The following TBC1D22B variants were observed in gnomAD, a reference collection of about 807,000 sequenced individuals.
TBC1D22B encodes the protein chromosome 6 open reading frame 197.
In TBC1D22B, 32 loss-of-function variants were observed where a neutral mutation model predicts 69.1. That is an observed-to-expected ratio of 0.46 (90% CI 0.35 to 0.62). The LOEUF (loss-of-function observed/expected upper bound fraction) is 0.62, where lower values mean the gene tolerates loss of function less well. TBC1D22B is among the 20% of genes least tolerant of loss of function. The probability of loss-of-function intolerance (pLI) is 0.00; values close to 1 mark genes in which losing one functional copy is unlikely to be tolerated. For missense variants in TBC1D22B, 462 were observed against 630.9 expected, an observed-to-expected ratio of 0.73 and a Z score of 2.87; for synonymous variants, 206 against 229.8, an observed-to-expected ratio of 0.90 and a Z score of 0.94.
intron 12 of TBC1D22B, among the ~76,000 whole-genome samples, chr6:37,326,475 A>G (rs915652540): frequency 6.6e-6 from 1 of 151,894 alleles, no homozygotes; most frequent in Non-Finnish European, 1.5e-5. Flanking sequence ...ACCATCATAG[A>G]AAAATTTAGA....
At position 37,313,824 on chromosome 6, in the gene TBC1D22B, C is replaced by A; in HGVS notation, c.1098C>A (p.Tyr366Ter). 1 of 1,614,146 alleles carries A rather than the reference C, an allele frequency of 6.2e-7. No homozygotes were observed. The highest frequency in any genetic ancestry group is 8.5e-7 in the Non-Finnish European group (1 of 1,179,978). Reference sequence around the variant, plus strand: ...CTCTGTGTCATTTGCAGGATAACTACACCTTTGCACAACCAGGAATCCAGA... The same window carrying A: ...CTCTGTGTCATTTGCAGGATAACTAAACCTTTGCACAACCAGGAATCCAGA... ...SKLLDGIQDN[Y>*]TFAQPGIQKK... is the part of the protein sequence containing the mutation. The change falls in exon 10 of 13, where the codon TAC (tyrosine) becomes TAA (stop). Residue 366 changes from tyrosine (Y) to a stop codon, truncating the protein, a stop_gained. Coordinates refer to ENST00000373491, the MANE Select transcript of TBC1D22B (RefSeq NM_017772.4). LOFTEE classifies it high-confidence loss of function.
At chr6:37,321,376 T>C (rs1380927182) in intron 12 of TBC1D22B, among the ~76,000 whole-genome samples, 4 of 152,142 alleles carry the variant, frequency 2.6e-5, no homozygotes, top group Non-Finnish European at 4.4e-5. Flanking sequence ...TCTGCTTAGG[T>C]TTCCACCTCC....
At chr6:37,264,390 G>T (rs987456685) in intron 1 of TBC1D22B, among the ~76,000 whole-genome samples, 1 of 152,120 alleles carries the variant, frequency 6.6e-6, no homozygotes, top group African/African-American at 2.4e-5. Flanking sequence ...TCGGCTCACC[G>T]CAACCTCTGC....
chr6:37,327,071 G>A (rs933537112), intron 12 of TBC1D22B, among the ~76,000 whole-genome samples: 2 of 152,162 alleles, frequency 1.3e-5, no homozygotes, highest in African/African-American at 2.4e-5. Context: ...GACATGGTGC[G>A]GGAAGGAGGT....
chr6:37,274,450 C>A (rs543381308), intron 2 of TBC1D22B, among the ~76,000 whole-genome samples: 1 of 152,250 alleles, frequency 6.6e-6, no homozygotes, highest in South Asian at 2.1e-4. Context: ...AACACTTTAC[C>A]AAGTCAAATG....
chr6:37,317,650 AAAT>A (rs1222445981), intron 12 of TBC1D22B, among the ~76,000 whole-genome samples: 2 of 152,210 alleles, frequency 1.3e-5, no homozygotes, highest in Non-Finnish European at 2.9e-5. Flanking sequence ...AGGTGCTAAG[AAAT>A]AATATTTTTT....
At chr6:37,330,526 G>A (rs960313955) in intron 12 of TBC1D22B, among the ~76,000 whole-genome samples, 1 of 152,042 alleles carries the variant, frequency 6.6e-6, no homozygotes, top group Non-Finnish European at 1.5e-5. Flanking sequence ...GTGAGCCACC[G>A]CGCCTGGCCT....
At chr6:37,267,560 T>TAC (rs1439194851) in intron 1 of TBC1D22B, among the ~76,000 whole-genome samples, 5 of 145,320 alleles carry the variant, frequency 3.4e-5, no homozygotes, top group South Asian at 2.1e-4. Context: ...CATATATATA[T>TAC]ACACACACAC....
At chr6:37,306,768 T>G (rs1039023173) in intron 8 of TBC1D22B, among the ~76,000 whole-genome samples, 2 of 152,230 alleles carry the variant, frequency 1.3e-5, no homozygotes, top group African/African-American at 2.4e-5. Context: ...CCAGAGTTCA[T>G]GTATTATTCT....
At chr6:37,292,744 G>A (rs545405257) in intron 8 of TBC1D22B, among the ~76,000 whole-genome samples, 369 of 152,252 alleles carry the variant, frequency 2.4e-3, no homozygotes, top group Non-Finnish European at 3.0e-3. Flanking sequence ...CTGTAGTTCT[G>A]ATTAGTTATT....
Position 37,284,430 on chromosome 6 carries a change from G to C in TBC1D22B, c.767G>C (p.Arg256Pro). The C allele has an allele frequency of 6.2e-7, 1 of 1,603,488 alleles. No homozygotes were observed. Among genetic ancestry groups the C allele is most frequent in the Non-Finnish European group, 8.5e-7 (1 of 1,175,836 alleles). ...TTCATTGAACAGTATTATGACTCTC[G>C]AAACGAGGAACATCACCAGGATACC... ...FGFIEQYYDS[R>P]NEEHHQDTYR... Residue 256 changes from arginine (R) to proline (P), a missense_variant, in exon 6 of 13, where the codon CGA becomes CCA. Coordinates refer to ENST00000373491, the MANE Select transcript of TBC1D22B (RefSeq NM_017772.4).
intron 2 of TBC1D22B, among the ~76,000 whole-genome samples, chr6:37,272,355 A>G (rs1003346553): frequency 7.0e-6 from 1 of 142,534 alleles, no homozygotes; most frequent in African/African-American, 2.6e-5. Context: ...AAGAGCCACT[A>G]TGTCCAGCCT....
intron 8 of TBC1D22B, among the ~76,000 whole-genome samples, chr6:37,291,917 G>A (rs6920007): frequency 6.6e-6 from 1 of 152,138 alleles, no homozygotes; most frequent in South Asian, 2.1e-4. Context: ...ATGGCAGCAG[G>A]TGGGTTTTCT....
At chr6:37,289,412 G>T (rs997117724) in intron 7 of TBC1D22B, among the ~76,000 whole-genome samples, 5 of 152,104 alleles carry the variant, frequency 3.3e-5, no homozygotes. Flanking sequence ...AACATCCCAT[G>T]GTCTCCCCTG....
intron 12 of TBC1D22B, 35 bp from the exon 13 acceptor site, chr6:37,331,009 C>A: frequency 1.2e-6 from 2 of 1,612,424 alleles, no homozygotes; most frequent in South Asian, 2.2e-5. Context: ...GGTCTACGGT[C>A]TGGTATGATA....
chr6:37,317,760 A>G (rs573612077), intron 12 of TBC1D22B, among the ~76,000 whole-genome samples: 2 of 152,310 alleles, frequency 1.3e-5, no homozygotes, highest in South Asian at 4.1e-4. Flanking sequence ...CTGAGAAGGT[A>G]ACATCTGAGC....
intron 2 of TBC1D22B, among the ~76,000 whole-genome samples, chr6:37,275,590 C>G (rs1003185930): frequency 3.3e-5 from 5 of 152,166 alleles, no homozygotes; most frequent in African/African-American, 4.8e-5. Context: ...CTCATGATCT[C>G]AGTAGGCTTC....
intron 2 of TBC1D22B, among the ~76,000 whole-genome samples, chr6:37,273,899 T>C (rs1268821293): frequency 6.6e-6 from 1 of 152,238 alleles, no homozygotes; most frequent in Non-Finnish European, 1.5e-5. Context: ...AATTACTGTG[T>C]AGTTAATACA....
At chr6:37,270,187 C>T (rs1436197656) in intron 2 of TBC1D22B, among the ~76,000 whole-genome samples, 2 of 152,166 alleles carry the variant, frequency 1.3e-5, no homozygotes, top group South Asian at 2.1e-4. Context: ...CATGGTGGCT[C>T]ACGCCTGTAA....
Sources: allele counts gnomAD v4.1 joint callset (sites outside exome capture counted in the v4.1 genomes callset), GRCh38; gene constraint gnomAD v4.1.1; transcripts MANE v1.5; gene names NCBI Gene and HGNC (gene_info 2026-07-23, HGNC 2026-07-21).